Variants in ST8SIA6 observed in about 807,000 individuals in gnomAD.
ST8SIA6 encodes the protein ST8 alpha-N-acetyl-neuraminide alpha-2,8-sialyltransferase 6, also known as alpha-2,8-sialyltransferase 8F.
In ST8SIA6, 39 loss-of-function variants were observed where a neutral mutation model predicts 33.6. The ratio of observed to expected loss-of-function variants is 1.16; its 90% confidence interval spans 0.90 to 1.52. The LOEUF is 1.52. Among genes scored for constraint, ST8SIA6 ranks in the 40% most tolerant of loss-of-function variants. The pLI, the probability that ST8SIA6 is intolerant of heterozygous loss-of-function variation, is 0.00. For missense variants in ST8SIA6, 441 were observed against 443.8 expected (o/e 0.99, Z 0.06); for synonymous variants, 172 against 167.2 (o/e 1.03, Z -0.22).
chr10:17,332,446 C>A (rs1012530344), intron 4 of ST8SIA6, among the ~76,000 whole-genome samples: 3 of 152,126 alleles, frequency 2.0e-5, no homozygotes, highest in African/African-American at 7.2e-5. Flanking sequence ...CACAGCCTCA[C>A]CAGCATCTAT....
Position 17,321,046 on chromosome 10 carries a change from G to T in ST8SIA6, c.1029C>A (p.Phe343Leu). 2 of 1,614,066 alleles carry T rather than the reference G, an allele frequency of 1.2e-6. No individual in the cohort carries two copies. Among genetic ancestry groups the T allele is most frequent in the South Asian group, 1.1e-5 (1 of 91,078 alleles). The change falls in exon 8 of 8, where the codon TTC (phenylalanine) becomes TTA (leucine). Residue 343 changes from phenylalanine (F) to leucine (L), a missense_variant. Phe to Leu is a conservative substitution (Grantham distance 22, BLOSUM62 0). Transcript: ENST00000377602. ...CTTCTACAGTTTTAGAGAAGGGCCAGAATCCATACAGCTTCACATTTTTAC... is the reference window on the plus strand; with the variant it reads ...CTTCTACAGTTTTAGAGAAGGGCCATAATCCATACAGCTTCACATTTTTAC... ...ELCKNVKLYG[F>L]WPFSKTVEDI... is the part of the protein sequence containing the mutation.
At chr10:17,363,585 C>G (rs1307545137) in intron 3 of ST8SIA6, among the ~76,000 whole-genome samples, 2 of 152,186 alleles carry the variant, frequency 1.3e-5, no homozygotes, top group Non-Finnish European at 1.5e-5. Flanking sequence ...AGGATCCTCT[C>G]GTCCTTTCCT....
At chr10:17,346,652 A>T (rs985642288) in intron 4 of ST8SIA6, among the ~76,000 whole-genome samples, 4 of 152,156 alleles carry the variant, frequency 2.6e-5, no homozygotes, top group Non-Finnish European at 4.4e-5. Flanking sequence ...AGCCCACGGA[A>T]CTGAGAGAGA....
chr10:17,349,238 T>C (rs1009979859), intron 4 of ST8SIA6, among the ~76,000 whole-genome samples: 4 of 152,200 alleles, frequency 2.6e-5, no homozygotes, highest in African/African-American at 9.7e-5. Context: ...ATAATCCATA[T>C]GAAATGATCA....
Position 17,443,433 on chromosome 10 carries a change from G to A in ST8SIA6, c.200+10126C>T, listed in dbSNP as rs1302298816. ...GGTCTCTTTACAACCTCAATTTCTG[G>A]GAATGCTGCATTTAAAAATTATACG... On this transcript the variant is annotated intron_variant, in intron 2 of 7. Coordinates refer to ENST00000377602, the MANE Select transcript of ST8SIA6 (RefSeq NM_001004470.3). Among the ~76,000 whole-genome samples, 4 of 152,086 alleles carry A rather than the reference G, an allele frequency of 2.6e-5. No homozygotes were observed. The East Asian group carries it at 7.7e-4, about 29-fold the overall frequency.
chr10:17,330,687 A>T (rs1314907076), intron 5 of ST8SIA6, among the ~76,000 whole-genome samples: 2 of 152,170 alleles, frequency 1.3e-5, no homozygotes, highest in African/African-American at 4.8e-5. Context: ...GACCATCTTG[A>T]TATGGCCTAA....
intron 2 of ST8SIA6, among the ~76,000 whole-genome samples, chr10:17,442,676 A>G (rs1227835221): frequency 1.3e-5 from 2 of 152,232 alleles, no homozygotes; most frequent in African/African-American, 2.4e-5. Flanking sequence ...ATACCAGCTT[A>G]TTATTCAAAT....
At chr10:17,380,530 A>G (rs1246500898) in intron 3 of ST8SIA6, among the ~76,000 whole-genome samples, 3 of 152,156 alleles carry the variant, frequency 2.0e-5, no homozygotes, top group Admixed American at 6.5e-5. Context: ...GAAAAAAAAG[A>G]TTTTTAATTT....
intron 4 of ST8SIA6, among the ~76,000 whole-genome samples, chr10:17,339,786 A>C (rs1373984801): frequency 6.6e-6 from 1 of 152,226 alleles, no homozygotes; most frequent in Non-Finnish European, 1.5e-5. Flanking sequence ...TAATATTCTC[A>C]TTTTATAGAT....
At chr10:17,388,053 G>T (rs947508427) in intron 3 of ST8SIA6, among the ~76,000 whole-genome samples, 1 of 152,216 alleles carries the variant, frequency 6.6e-6, no homozygotes, top group African/African-American at 2.4e-5. Context: ...GCAGAGACAG[G>T]CTTGGGACAT....
At chr10:17,354,571 C>T (rs1849134901) in intron 4 of ST8SIA6, among the ~76,000 whole-genome samples, 1 of 152,186 alleles carries the variant, frequency 6.6e-6, no homozygotes, top group African/African-American at 2.4e-5. Context: ...TTAAATCTCT[C>T]TTTAACTGAG....
At chr10:17,329,866 C>G (rs545733977) in intron 5 of ST8SIA6, among the ~76,000 whole-genome samples, 2 of 152,136 alleles carry the variant, frequency 1.3e-5, no homozygotes, top group Non-Finnish European at 2.9e-5. Flanking sequence ...GGTTGAAAAT[C>G]AACTTTTATT....
At chr10:17,406,230 C>T (rs993936094) in intron 2 of ST8SIA6, among the ~76,000 whole-genome samples, 1 of 152,176 alleles carries the variant, frequency 6.6e-6, no homozygotes, top group Non-Finnish European at 1.5e-5. Context: ...AGGTCTTCTA[C>T]CCTCCCCCTA....
At chr10:17,325,189 A>G (rs1848087863) in intron 6 of ST8SIA6, among the ~76,000 whole-genome samples, 1 of 142,092 alleles carries the variant, frequency 7.0e-6, no homozygotes, top group Non-Finnish European at 1.5e-5. Flanking sequence ...ATGTATACAT[A>G]TTATACGTAT....
chr10:17,376,119 C>G (rs1390885480), intron 3 of ST8SIA6, among the ~76,000 whole-genome samples: 1 of 152,218 alleles, frequency 6.6e-6, no homozygotes, highest in East Asian at 1.9e-4. Flanking sequence ...TCTCTAACAT[C>G]TAGAAGGGTC....
At chr10:17,413,124 TC>T (rs1851504867) in intron 2 of ST8SIA6, among the ~76,000 whole-genome samples, 1 of 152,218 alleles carries the variant, frequency 6.6e-6, no homozygotes, top group South Asian at 2.1e-4. Flanking sequence ...CACCTCTTTT[TC>T]AACTCTATCA....
chr10:17,425,253 A>C (rs1851898945), intron 2 of ST8SIA6, among the ~76,000 whole-genome samples: 1 of 152,214 alleles, frequency 6.6e-6, no homozygotes, highest in South Asian at 2.1e-4. Context: ...GGGTTGTCCC[A>C]AAAGCAGACC....
At chr10:17,342,220 A>G (rs1848701847) in intron 4 of ST8SIA6, among the ~76,000 whole-genome samples, 1 of 152,240 alleles carries the variant, frequency 6.6e-6, no homozygotes, top group East Asian at 1.9e-4. Context: ...ATTAAATACA[A>G]ATATGAATAA....
chr10:17,323,259 A>G lies in ST8SIA6; in HGVS notation c.636-102T>C, dbSNP rs1848021177. 1.5e-5 allele frequency: 10 copies of G among 656,362 alleles called. 1 individual carries two copies. In the South Asian group the frequency reaches 2.1e-4, roughly 14 times the overall value. The allele number at this position is 656,362 out of a possible 1,614,324, so 40.7% of individuals were successfully genotyped here. On this transcript the variant is annotated intron_variant, in intron 6 of 7. Transcript: ENST00000377602. The stretch of plus-strand genomic sequence containing the variant: ...CACACACACACACACACCTATCTAT[A>G]ATAATTGTTCTTATGTTGGAGAAAT...
Sources: allele counts gnomAD v4.1 joint callset (sites outside exome capture counted in the v4.1 genomes callset), GRCh38; gene constraint gnomAD v4.1.1; transcripts MANE v1.5; gene names NCBI Gene and HGNC (gene_info 2026-07-23, HGNC 2026-07-21).